SDK1: variants seen among roughly 807,000 people sequenced by gnomAD.
SDK1 encodes sidekick cell adhesion molecule 1, also known as protein sidekick-1.
In SDK1, 157 loss-of-function variants were observed where a neutral mutation model predicts 245.5. That is an observed-to-expected ratio of 0.64 (90% CI 0.56 to 0.73). The LOEUF is 0.73. Ranked by LOEUF, SDK1 falls within the 30% of genes least tolerant of loss-of-function variation. The pLI, the probability that SDK1 is intolerant of heterozygous loss-of-function variation, is 0.00. For synonymous variants in SDK1, 1,647 were observed against 1,278.5 expected, an observed-to-expected ratio of 1.29 and a Z score of -6.15; for missense variants, 3,583 against 3,002.3, an observed-to-expected ratio of 1.19 and a Z score of -4.52.
intron 22 of SDK1, among the ~76,000 whole-genome samples, chr7:4,087,234 T>G (rs1781481578): frequency 6.6e-6 from 1 of 152,194 alleles, no homozygotes. Flanking sequence ...TTTTCATCAT[T>G]TTGCAAATAG....
chr7:4,223,677 A>G (rs1391240015), intron 40 of SDK1, among the ~76,000 whole-genome samples: 1 of 152,270 alleles, frequency 6.6e-6, no homozygotes, highest in East Asian at 1.9e-4. Flanking sequence ...CTAACTAATT[A>G]CATCTGCAAC....
intron 4 of SDK1, among the ~76,000 whole-genome samples, chr7:3,672,763 A>T (rs1453116103): frequency 1.7e-5 from 1 of 60,362 alleles, no homozygotes; most frequent in African/African-American, 6.9e-5. Context: ...ATAATTTTAT[A>T]TATATATATA....
chr7:4,027,791 A>G (rs1317211363), intron 17 of SDK1, among the ~76,000 whole-genome samples: 1 of 152,186 alleles, frequency 6.6e-6, no homozygotes, highest in Non-Finnish European at 1.5e-5. Flanking sequence ...CAGCAGGGAA[A>G]ATACCTGCTG....
At chr7:3,388,938 A>C (rs975770760) in intron 1 of SDK1, among the ~76,000 whole-genome samples, 2 of 152,184 alleles carry the variant, frequency 1.3e-5, no homozygotes, top group African/African-American at 2.4e-5. Flanking sequence ...AAATGAGAGA[A>C]TACAATTAAT....
chr7:3,552,488 C>G (rs909939790), intron 1 of SDK1, among the ~76,000 whole-genome samples: 1 of 152,204 alleles, frequency 6.6e-6, no homozygotes, highest in Non-Finnish European at 1.5e-5. Flanking sequence ...TCTAGGCTGA[C>G]ATACTCTGAA....
chr7:3,708,039 G>C (rs1438645417), intron 4 of SDK1, among the ~76,000 whole-genome samples: 2 of 152,122 alleles, frequency 1.3e-5, no homozygotes, highest in Non-Finnish European at 2.9e-5. Flanking sequence ...TGGTACTGTA[G>C]GTTGTACAGG....
At chr7:3,398,956 G>C (rs1004130198) in intron 1 of SDK1, among the ~76,000 whole-genome samples, 1 of 151,932 alleles carries the variant, frequency 6.6e-6, no homozygotes, top group Non-Finnish European at 1.5e-5. Flanking sequence ...TCTAAGAATT[G>C]TCCATGTTCA....
chr7:4,227,238 C>T, intron 40 of SDK1: 2 of 366,116 alleles, frequency 5.5e-6, no homozygotes, highest in Non-Finnish European at 5.5e-6. Flanking sequence ...TCTGATGGTG[C>T]CCGGTCCCCT....
At chr7:3,692,230 A>G (rs1784457438) in intron 4 of SDK1, among the ~76,000 whole-genome samples, 1 of 152,152 alleles carries the variant, frequency 6.6e-6, no homozygotes, top group Non-Finnish European at 1.5e-5. Flanking sequence ...CTAAAACTTT[A>G]TAGACAACTA....
chr7:3,591,982 C>A (rs557518352), intron 1 of SDK1, among the ~76,000 whole-genome samples: 1 of 152,294 alleles, frequency 6.6e-6, no homozygotes, highest in African/African-American at 2.4e-5. Context: ...ACAAACAAGG[C>A]TACAGATAGT....
chr7:3,324,412 C>T (rs555526743), intron 1 of SDK1, among the ~76,000 whole-genome samples: 2 of 152,140 alleles, frequency 1.3e-5, no homozygotes, highest in African/African-American at 4.8e-5. Context: ...CAGTTTTTTG[C>T]TTGCCTGTTA....
chr7:3,346,283 G>T (rs1309734139), intron 1 of SDK1, among the ~76,000 whole-genome samples: 2 of 152,134 alleles, frequency 1.3e-5, no homozygotes, highest in East Asian at 3.9e-4. Flanking sequence ...TGGTTTCGGT[G>T]GGTGGGGACC....
At chr7:3,390,308 A>T (rs1781716918) in intron 1 of SDK1, among the ~76,000 whole-genome samples, 1 of 152,196 alleles carries the variant, frequency 6.6e-6, no homozygotes, top group African/African-American at 2.4e-5. Context: ...AATGTCAAAT[A>T]TATCTCTATA....
At chr7:3,494,283 A>T (rs1404006490) in intron 1 of SDK1, among the ~76,000 whole-genome samples, 1 of 152,190 alleles carries the variant, frequency 6.6e-6, no homozygotes, top group East Asian at 1.9e-4. Flanking sequence ...CAGATTAAAG[A>T]TAGCAATTTA....
At chr7:3,397,558 T>C (rs1479893829) in intron 1 of SDK1, among the ~76,000 whole-genome samples, 1 of 151,858 alleles carries the variant, frequency 6.6e-6, no homozygotes, top group Non-Finnish European at 1.5e-5. Flanking sequence ...CAGCTGTTAA[T>C]CTTATAGAGG....
chr7:3,641,971 C>G lies in SDK1; in HGVS notation c.579C>G (p.Phe193Leu), dbSNP rs1204973419. ...TTTTCTCTGCAGATATGGGAAGTTT[C>G]ATGGATACGGACCAGAGGAAAACAG... ...SEVQVAYMGS[F>L]MDTDQRKTVS... The change falls in exon 4 of 45, where the codon TTC becomes TTG. Residue 193 changes from phenylalanine to leucine, a missense_variant. Coordinates refer to ENST00000404826, the MANE Select transcript of SDK1 (RefSeq NM_152744.4). 3 of 1,612,706 alleles carry G rather than the reference C, an allele frequency of 1.9e-6. No homozygotes were observed. Among genetic ancestry groups the G allele is most frequent in the South Asian group, 1.1e-5 (1 of 90,714 alleles).
At chr7:4,007,959 A>G (rs1043041433) in intron 14 of SDK1, among the ~76,000 whole-genome samples, 2 of 152,214 alleles carry the variant, frequency 1.3e-5, no homozygotes, top group African/African-American at 4.8e-5. Flanking sequence ...TGCACGGCTC[A>G]GTGGCATTAA....
intron 5 of SDK1, among the ~76,000 whole-genome samples, chr7:3,845,712 A>C (rs1429596084): frequency 6.6e-6 from 1 of 151,606 alleles, no homozygotes; most frequent in African/African-American, 2.4e-5. Context: ...TTTTTAAACA[A>C]ATGCAGCCTA....
At chr7:3,440,131 T>G (rs7459157) in intron 1 of SDK1, among the ~76,000 whole-genome samples, 23,486 of 152,168 alleles carry the variant, frequency 0.15, 1,827 homozygotes, top group South Asian at 0.22. Flanking sequence ...TTCATCAGTT[T>G]TAAATTGTGC....
Sources: allele counts gnomAD v4.1 joint callset (sites outside exome capture counted in the v4.1 genomes callset), GRCh38; gene constraint gnomAD v4.1.1; transcripts MANE v1.5; gene names NCBI Gene and HGNC (gene_info 2026-07-23, HGNC 2026-07-21).